Variants in POLR1B observed in about 807,000 individuals in gnomAD.
The protein encoded by POLR1B is DNA-directed RNA polymerase I subunit RPA2.
A neutral mutation model predicts 105.8 loss-of-function variants in POLR1B; 30 were observed. The ratio of observed to expected loss-of-function variants is 0.28; its 90% CI spans 0.21 to 0.38. The LOEUF is 0.38. Ranked by LOEUF, POLR1B falls within the 10% of genes least tolerant of loss-of-function variation. The probability of loss-of-function intolerance (pLI) is 1.00; values close to 1 mark genes in which losing one functional copy is unlikely to be tolerated. For synonymous variants in POLR1B, 485 were observed against 505.1 expected (o/e 0.96, Z 0.53); for missense variants, 976 against 1,435.8 (o/e 0.68, Z 5.17).
intron 3 of POLR1B, 122 bp from the exon 4 acceptor site, chr2:112,549,145 A>G (rs1683227050): frequency 9.5e-7 from 1 of 1,055,492 alleles, no homozygotes; most frequent in African/African-American, 1.6e-5. Flanking sequence ...AGGGATCAGT[A>G]GTACATTTCA....
chr2:112,560,797 C>T (rs979119393), intron 9 of POLR1B, among the ~76,000 whole-genome samples: 7 of 152,130 alleles, frequency 4.6e-5, no homozygotes, highest in African/African-American at 1.4e-4. Context: ...TGGCCCATGC[C>T]TGTAATCCCA....
At chr2:112,545,453 A>G (rs1260421287) in intron 1 of POLR1B, among the ~76,000 whole-genome samples, 2 of 152,196 alleles carry the variant, frequency 1.3e-5, no homozygotes, top group Admixed American at 1.3e-4. Context: ...AAATGTGACC[A>G]GAGGCTCGCA....
intron 8 of POLR1B, among the ~76,000 whole-genome samples, chr2:112,558,661 C>G (rs967130818): frequency 1.3e-4 from 19 of 151,988 alleles, no homozygotes; most frequent in African/African-American, 4.3e-4. Context: ...CTCTGTCACC[C>G]AGTCTAAAGT....
chr2:112,556,304 C>G (rs1683660176), intron 7 of POLR1B, among the ~76,000 whole-genome samples: 1 of 152,228 alleles, frequency 6.6e-6, no homozygotes, highest in South Asian at 2.1e-4. Context: ...TTCCTTCACT[C>G]CCTGGTAATT....
rs1684922822 is a variant in POLR1B at position 112,577,507 on chromosome 2, C to T, written c.*1778C>T. ...GAGGCTGCAGTGAGCCAAGATTGTG[C>T]CACTGCACTCCAGCCTGGGTGACAG... is the stretch of plus-strand genomic sequence containing the variant. On this transcript the variant is annotated 3_prime_UTR_variant, in exon 15 of 15. Transcript: ENST00000263331. Among the ~76,000 whole-genome samples, 4 of 152,144 alleles carry T rather than the reference C, an allele frequency of 2.6e-5. No individual in the cohort carries two copies. Among genetic ancestry groups the T allele is most frequent in the African/African-American group, 9.7e-5 (4 of 41,432 alleles).
chr2:112,547,242 C>A, intron 2 of POLR1B, 63 bp downstream of exon 2: 8 of 1,576,532 alleles, frequency 5.1e-6, no homozygotes, highest in Non-Finnish European at 8.6e-7. Flanking sequence ...GGGCGGGTGC[C>A]TAATAAAGTT....
chr2:112,574,057 T>C (rs10183849), intron 14 of POLR1B, among the ~76,000 whole-genome samples: 21,782 of 151,942 alleles, frequency 0.14, 2,117 homozygotes, highest in East Asian at 0.31. Context: ...GTTGCCCAGG[T>C]AGGTCTCGAA....
At chr2:112,551,434 A>G (rs1281193693) in intron 5 of POLR1B, among the ~76,000 whole-genome samples, 1 of 152,214 alleles carries the variant, frequency 6.6e-6, no homozygotes, top group East Asian at 1.9e-4. Context: ...AGAGAGCAGA[A>G]GATGCAGAAG....
At chr2:112,566,883 C>T (rs1684309906) in intron 10 of POLR1B, among the ~76,000 whole-genome samples, 2 of 152,108 alleles carry the variant, frequency 1.3e-5, no homozygotes, top group South Asian at 2.1e-4. Flanking sequence ...CAGGTGCACA[C>T]CACCATGCCT....
At chr2:112,551,185 G>A (rs1683346617) in intron 5 of POLR1B, among the ~76,000 whole-genome samples, 183 bp downstream of exon 5, 1 of 152,132 alleles carries the variant, frequency 6.6e-6, no homozygotes, top group Non-Finnish European at 1.5e-5. Context: ...CAGTTTCTGC[G>A]GGTCGGGAGT....
At chr2:112,558,535 G>T (rs777940844) in intron 8 of POLR1B, among the ~76,000 whole-genome samples, 13 of 152,170 alleles carry the variant, frequency 8.5e-5, no homozygotes, top group Non-Finnish European at 1.6e-4. Flanking sequence ...CTGTACTCCA[G>T]CCTGGTGACA....
At chr2:112,550,399 C>T (rs1054152920) in intron 4 of POLR1B, among the ~76,000 whole-genome samples, 1 of 152,256 alleles carries the variant, frequency 6.6e-6, no homozygotes, top group African/African-American at 2.4e-5. Flanking sequence ...TATAGCCATA[C>T]ATACTATACC....
chr2:112,575,683 C>G lies in POLR1B; in HGVS notation c.3362C>G (p.Ala1121Gly). ...CCTTATGTTTTTCGGTATTTTGTAGCTGAACTGGCAGCTATGAACATCAAA... is the reference window on the plus strand; with the variant it reads ...CCTTATGTTTTTCGGTATTTTGTAGGTGAACTGGCAGCTATGAACATCAAA... ...SVPYVFRYFV[A>G]ELAAMNIKVK... Residue 1121 changes from alanine (A) to glycine (G), a missense_variant, in exon 15 of 15, where the codon GCT (alanine) becomes GGT (glycine). Around this residue, in one of 12 missense-constraint regions of POLR1B, gnomAD observed 77 missense variants for 104.5 expected, o/e 0.74. Transcript: ENST00000263331. This position sits in a 1 kb window ranked among gnomAD's most constrained non-coding sequence, Gnocchi z 5.3. 6.2e-7 allele frequency: 1 copy of G among 1,613,800 alleles called. No individual in the cohort carries two copies. Among genetic ancestry groups the G allele is most frequent in the Non-Finnish European group, 8.5e-7 (1 of 1,179,934 alleles).
intron 7 of POLR1B, among the ~76,000 whole-genome samples, chr2:112,554,028 A>G (rs60489148): frequency 0.15 from 22,481 of 152,174 alleles, 2,107 homozygotes; most frequent in East Asian, 0.32. Flanking sequence ...GGGTTTCACC[A>G]TTTCAGCCAG....
chr2:112,559,465 T>C lies in POLR1B; in HGVS notation c.1503T>C (p.His501=), dbSNP rs2104542048. 1.2e-6 allele frequency: 2 copies of C among 1,614,240 alleles called. No individual in the cohort carries two copies. The highest frequency in any genetic ancestry group is 2.2e-5 in the East Asian group (1 of 44,888). The change falls in exon 9 of 15, where the codon CAT becomes CAC. Residue 501 remains histidine (H), a synonymous_variant. Transcript: ENST00000263331. The stretch of plus-strand genomic sequence containing the variant: ...CCTGGGGCTTCCTTTGTCCCGTGCA[T>C]ACCCCAGACGGGGAGCCCTGTGGCC... ...PESWGFLCPV[H]TPDGEPCGLM...
Position 112,577,383 on chromosome 2 carries a change from A to G in POLR1B, c.*1654A>G, listed in dbSNP as rs554423723. Among the ~76,000 whole-genome samples, 2 of 152,302 alleles carry G rather than the reference A, an allele frequency of 1.3e-5. No homozygotes were observed. Among genetic ancestry groups the G allele is most frequent in the Admixed American group, 1.3e-4 (2 of 15,294 alleles). ...GAGACTTCATCTCTACAAAAAAAGC[A>G]ACAACGACAAAAAAAATTAGCCAAG... On this transcript the variant is annotated 3_prime_UTR_variant, in exon 15 of 15. Transcript: ENST00000263331.
intron 10 of POLR1B, among the ~76,000 whole-genome samples, chr2:112,566,029 T>C (rs189904067): frequency 1.6e-4 from 25 of 152,284 alleles, no homozygotes; most frequent in Admixed American, 7.9e-4. Context: ...CGGCTAATTT[T>C]TTTTATTTTT....
At chr2:112,568,365 C>T (rs577101980) in intron 11 of POLR1B, among the ~76,000 whole-genome samples, 1 of 152,302 alleles carries the variant, frequency 6.6e-6, no homozygotes, top group Admixed American at 6.5e-5. Flanking sequence ...CATTACCTGC[C>T]TCCCATCTTA....
chr2:112,549,224 C>T lies in POLR1B; in HGVS notation c.493-43C>T, dbSNP rs1193775404. The T allele has an allele frequency of 1.9e-6, 3 of 1,605,060 alleles. No individual in the cohort carries two copies. The African/African-American group carries it at 4.0e-5, about 22-fold the overall frequency. On this transcript the variant is annotated intron_variant, in intron 3 of 14. Transcript: ENST00000263331. ...AGTGAGGTTCATGTTTACAGTTAGTCATGTATCTTTGTTTAACAAGTTGCA... is the reference window on the plus strand; with the variant it reads ...AGTGAGGTTCATGTTTACAGTTAGTTATGTATCTTTGTTTAACAAGTTGCA...
Sources: gnomAD v4.1 joint callset for allele counts (sites outside exome capture counted in the v4.1 genomes callset) on GRCh38, gnomAD v4.1.1 for gene constraint, gnomAD v4.1.1 regional missense constraint, Gnocchi (gnomAD v3.1) non-coding constraint, MANE v1.5 for transcripts, NCBI Gene and HGNC (gene_info 2026-07-23, HGNC 2026-07-21) for gene names.